TPD52: variants seen among roughly 807,000 people sequenced by gnomAD.
TPD52 encodes the protein prostate and colon associated protein.
TPD52 carries 17 observed loss-of-function variants against 31.3 expected under a neutral mutation model. That is an observed-to-expected ratio of 0.54 (90% CI 0.37 to 0.82). The LOEUF is 0.82. Among genes scored for constraint, TPD52 ranks in the 40% least tolerant of loss-of-function variants. The pLI is 0.00. For synonymous variants in TPD52, 83 were observed against 89.6 expected, an observed-to-expected ratio of 0.93 and a Z score of 0.42; for missense variants, 212 against 240.1, an observed-to-expected ratio of 0.88 and a Z score of 0.77.
At chr8:80,039,290 C>CAG (rs2130349412) in intron 7 of TPD52, among the ~76,000 whole-genome samples, 2 of 152,310 alleles carry the variant, frequency 1.3e-5, no homozygotes, top group Admixed American at 1.3e-4. Context: ...TGAACTCCTT[C>CAG]CCCCGACAAC....
Position 80,148,315 on chromosome 8 carries a change from T to A in TPD52, c.19+23110A>T, listed in dbSNP as rs963559207. 3.8e-5 allele frequency among the ~76,000 whole-genome samples: 5 copies of A among 132,710 alleles called. No individual in the cohort carries two copies. The East Asian group carries it at 1.1e-3, about 29-fold the overall frequency. The allele number at this position is 132,710 out of a possible 152,430, so 87.1% of individuals were successfully genotyped here. ...TTACAAGTGCACCACCATTCCTGGC[T>A]AAGTGTGTGTGTGTGTGTGTGTGTG... On this transcript the variant is annotated intron_variant, in intron 1 of 7. Transcript: ENST00000518937.
intron 1 of TPD52, chr8:80,171,036 C>G (rs1812048797): frequency 6.2e-6 from 3 of 483,834 alleles, no homozygotes; most frequent in Non-Finnish European, 1.1e-5. Flanking sequence ...GGGACGAGAG[C>G]GACTCACTGT....
intron 1 of TPD52, among the ~76,000 whole-genome samples, chr8:80,133,767 TAA>T (rs397946185): frequency 2.4e-4 from 27 of 112,982 alleles, no homozygotes; most frequent in Non-Finnish European, 3.0e-4. Context: ...CCGCTGATGC[TAA>T]AAAAAAAAAA....
chr8:80,149,191 G>GGAGGTAATT (rs1214327718), intron 1 of TPD52, among the ~76,000 whole-genome samples: 1 of 152,168 alleles, frequency 6.6e-6, no homozygotes, highest in African/African-American at 2.4e-5. Context: ...GGACCCAGTG[G>GGAGGTAATT]GAGGTAATTA....
chr8:80,121,150 T>C (rs768261820), intron 1 of TPD52, among the ~76,000 whole-genome samples: 22 of 152,034 alleles, frequency 1.4e-4, no homozygotes, highest in Non-Finnish European at 2.4e-4. Context: ...TTTTCCCTTC[T>C]TCTACCCACA....
At chr8:80,095,091 T>C (rs931136435) in intron 1 of TPD52, among the ~76,000 whole-genome samples, 2 of 152,186 alleles carry the variant, frequency 1.3e-5, no homozygotes, top group Non-Finnish European at 2.9e-5. Flanking sequence ...AGTGGCTTTA[T>C]TCATGATCAC....
intron 5 of TPD52, among the ~76,000 whole-genome samples, chr8:80,047,428 T>C (rs921839184): frequency 1.3e-5 from 2 of 152,110 alleles, no homozygotes; most frequent in African/African-American, 4.8e-5. Flanking sequence ...GCATAGAAAA[T>C]ATGCAAACAG....
intron 1 of TPD52, among the ~76,000 whole-genome samples, chr8:80,073,102 G>A (rs1814115808): frequency 6.6e-6 from 1 of 151,618 alleles, no homozygotes; most frequent in African/African-American, 2.4e-5. Context: ...GAGCGAGAAA[G>A]AAAGAAATAC....
At chr8:80,093,499 T>C (rs1273158918) in intron 1 of TPD52, among the ~76,000 whole-genome samples, 1 of 152,180 alleles carries the variant, frequency 6.6e-6, no homozygotes, top group Non-Finnish European at 1.5e-5. Context: ...GAGAGGCTCA[T>C]ATGAAACACT....
intron 1 of TPD52, among the ~76,000 whole-genome samples, chr8:80,127,379 T>C (rs1033054605): frequency 2.0e-5 from 3 of 152,212 alleles, no homozygotes; most frequent in African/African-American, 7.2e-5. Context: ...TTGACAATCA[T>C]TGTATAAATG....
chr8:80,104,143 T>A (rs1324238660), intron 1 of TPD52, among the ~76,000 whole-genome samples: 2 of 144,988 alleles, frequency 1.4e-5, no homozygotes, highest in African/African-American at 5.1e-5. Flanking sequence ...TGTGGATCTC[T>A]AGAGCTGTCC....
intron 1 of TPD52, among the ~76,000 whole-genome samples, chr8:80,089,998 G>A (rs751119292): frequency 1.2e-4 from 18 of 152,182 alleles, no homozygotes; most frequent in Non-Finnish European, 2.4e-4. Context: ...TGGTGATCTC[G>A]CACTGAAGTT....
intron 1 of TPD52, among the ~76,000 whole-genome samples, chr8:80,138,832 G>A (rs985282656): frequency 1.3e-5 from 2 of 152,082 alleles, no homozygotes; most frequent in African/African-American, 2.4e-5. Flanking sequence ...GTCATCAGAC[G>A]GCTTCCTGAT....
At chr8:80,090,199 A>C (rs1476344140) in intron 1 of TPD52, among the ~76,000 whole-genome samples, 1 of 152,138 alleles carries the variant, frequency 6.6e-6, no homozygotes, top group Admixed American at 6.5e-5. Context: ...CAAGGCCAGC[A>C]TGGGCAACAA....
chr8:80,066,737 T>C (rs949407524), intron 1 of TPD52, among the ~76,000 whole-genome samples: 5 of 152,304 alleles, frequency 3.3e-5, no homozygotes, highest in East Asian at 1.9e-4. Context: ...TGCTGTACTA[T>C]GTACTGTCAG....
In TPD52 at chr8:80,050,467, G is replaced by A. The variant is rs762162339; in HGVS notation, c.391C>T (p.Gln131Ter). The change falls in exon 5 of 8, where the codon CAA (glutamine) becomes TAA (stop). Residue 131 changes from glutamine to a stop codon, truncating the protein, a stop_gained. Transcript: ENST00000518937. LOFTEE classifies it high-confidence loss of function. ...TACCTAAAGGAATGTGAAAAGGCTT[G>A]CAATCTGTAAGAAGCCAGAGTAAGC... is the stretch of plus-strand genomic sequence containing the variant. ...ITKKLEDVKL[Q>*]AFSHSFSIRS... 3 of 1,606,338 alleles carry A rather than the reference G, an allele frequency of 1.9e-6. No individual in the cohort carries two copies. The highest frequency in any genetic ancestry group is 2.5e-6 in the Non-Finnish European group (3 of 1,176,522).
chr8:80,069,314 C>G (rs958357727), intron 1 of TPD52, among the ~76,000 whole-genome samples: 5 of 151,548 alleles, frequency 3.3e-5, no homozygotes, highest in African/African-American at 1.2e-4. Context: ...AACTCAAAAA[C>G]CATTAGCCGG....
At chr8:80,156,018 A>AC (rs1308233145) in intron 1 of TPD52, among the ~76,000 whole-genome samples, 1 of 152,108 alleles carries the variant, frequency 6.6e-6, no homozygotes, top group East Asian at 1.9e-4. Flanking sequence ...ATAACAAGCC[A>AC]CCCCAGAACT....
At chr8:80,145,684 G>A (rs1437589157) in intron 1 of TPD52, among the ~76,000 whole-genome samples, 1 of 152,108 alleles carries the variant, frequency 6.6e-6, no homozygotes, top group African/African-American at 2.4e-5. Flanking sequence ...TTAGGAATAT[G>A]TAATATAGAC....
Sources: allele counts gnomAD v4.1 joint callset (sites outside exome capture counted in the v4.1 genomes callset), GRCh38; gene constraint gnomAD v4.1.1; transcripts MANE v1.5; gene names NCBI Gene and HGNC (gene_info 2026-07-23, HGNC 2026-07-21).